The following CPE variants were observed in gnomAD, a reference collection of about 807,000 sequenced individuals.
CPE encodes carbocypeptidase E.
Under a neutral mutation model 53.5 loss-of-function variants are expected in CPE, and 17 were observed. The ratio of observed to expected loss-of-function variants is 0.32; its 90% confidence interval spans 0.22 to 0.48. The LOEUF (loss-of-function observed/expected upper bound fraction) is 0.48, where lower values mean the gene tolerates loss of function less well. Ranked by LOEUF, CPE falls within the 20% of genes least tolerant of loss-of-function variation. The pLI is 0.99. For missense variants in CPE, 524 were observed against 614.7 expected (o/e 0.85, Z 1.56); for synonymous variants, 226 against 228.8 (o/e 0.99, Z 0.11).
intron 1 of CPE, among the ~76,000 whole-genome samples, chr4:165,451,486 A>G (rs1343209425): frequency 6.6e-6 from 1 of 151,514 alleles, no homozygotes; most frequent in Non-Finnish European, 1.5e-5. Context: ...ATTATTATTT[A>G]TTTATTTATT....
rs116606380 is a variant in CPE at position 165,429,357 on chromosome 4, A to G, written c.308-35033A>G. On this transcript the variant is annotated intron_variant, in intron 1 of 8. Coordinates refer to ENST00000402744, the MANE Select transcript of CPE (RefSeq NM_001873.4). ...TTAATAATTTTGGAAATCCAAGTTT[A>G]TACAAAAACATTCCCACTTATTGGA... Among the ~76,000 whole-genome samples the G allele has an allele frequency of 3.2e-3, 495 of 152,316 alleles. 3 individuals are homozygous for G. The highest frequency in any genetic ancestry group is 0.012 in the African/African-American group (479 of 41,574).
Position 165,497,801 on chromosome 4 carries a change from C to T in CPE, c.*191C>T, listed in dbSNP as rs971241898. On this transcript the variant is annotated 3_prime_UTR_variant, in exon 9 of 9. Coordinates refer to ENST00000402744, the MANE Select transcript of CPE (RefSeq NM_001873.4). ...ATAAGAACTTGATATATTTCATTCT[C>T]TTATATAGTATTCATTTTCCTACCT... 9.4e-6 allele frequency: 3 copies of T among 320,804 alleles called. No homozygotes were observed. Among genetic ancestry groups the T allele is most frequent in the Non-Finnish European group, 1.7e-5 (3 of 179,654 alleles). 19.9% of individuals were successfully genotyped at this position (320,804 alleles called of 1,614,324 possible).
intron 8 of CPE, among the ~76,000 whole-genome samples, chr4:165,496,046 T>C (rs1206783701): frequency 6.6e-6 from 1 of 152,208 alleles, no homozygotes; most frequent in Non-Finnish European, 1.5e-5. Flanking sequence ...TAAGAAAATT[T>C]TAGGTGGTAA....
chr4:165,439,515 T>A (rs1731571882), intron 1 of CPE, among the ~76,000 whole-genome samples: 1 of 151,748 alleles, frequency 6.6e-6, no homozygotes, highest in South Asian at 2.1e-4. Context: ...TGCCAATTTC[T>A]CCACATAAAA....
intron 7 of CPE, among the ~76,000 whole-genome samples, chr4:165,494,092 C>A (rs980865729): frequency 3.3e-5 from 5 of 152,112 alleles, no homozygotes; most frequent in Non-Finnish European, 7.3e-5. Flanking sequence ...AAAAAAAAAT[C>A]TTTAACATTT....
chr4:165,386,462 C>G (rs1464891077), intron 1 of CPE: 1 of 364,184 alleles, frequency 2.7e-6, no homozygotes, highest in Non-Finnish European at 5.2e-6. Flanking sequence ...CCATGTTGGT[C>G]GATGTTGACA....
At chr4:165,404,565 G>A in intron 1 of CPE, 2 of 959,720 alleles carry the variant, frequency 2.1e-6, no homozygotes, top group Admixed American at 1.7e-5. Flanking sequence ...TTGGCCACAT[G>A]TTTCGCTACA....
intron 1 of CPE, among the ~76,000 whole-genome samples, chr4:165,410,680 T>G (rs1052158068): frequency 6.6e-6 from 1 of 152,244 alleles, no homozygotes; most frequent in African/African-American, 2.4e-5. Context: ...GAAGGTAGAA[T>G]AATGTATTAG....
At chr4:165,461,188 G>GAAAGAA (rs1553976643) in intron 1 of CPE, among the ~76,000 whole-genome samples, 1 of 81,210 alleles carries the variant, frequency 1.2e-5, no homozygotes, top group Non-Finnish European at 2.3e-5. Context: ...AAAAAAAAAA[G>GAAAGAA]AAAGAAAGAA....
chr4:165,380,572 C>G (rs1312721548), intron 1 of CPE, among the ~76,000 whole-genome samples: 2 of 152,072 alleles, frequency 1.3e-5, no homozygotes, highest in Non-Finnish European at 1.5e-5. Flanking sequence ...GGGATGGATG[C>G]TTAATTTTTG....
At chr4:165,384,230 CAAAGAT>C (rs1730550018) in intron 1 of CPE, among the ~76,000 whole-genome samples, 1 of 152,080 alleles carries the variant, frequency 6.6e-6, no homozygotes, top group African/African-American at 2.4e-5. Flanking sequence ...ATTATGTAAA[CAAAGAT>C]AAACAGGTTT....
chr4:165,401,695 G>A (rs1414716489), intron 1 of CPE, among the ~76,000 whole-genome samples: 5 of 152,202 alleles, frequency 3.3e-5, no homozygotes, highest in Non-Finnish European at 2.9e-5. Context: ...CTGAGTGGAG[G>A]AGGGTTTATG....
At chr4:165,388,102 T>C (rs1481072172) in intron 1 of CPE, among the ~76,000 whole-genome samples, 1 of 152,342 alleles carries the variant, frequency 6.6e-6, no homozygotes, top group South Asian at 2.1e-4. Context: ...TCATAAAATC[T>C]TTCCTTCACT....
At chr4:165,424,659 G>A (rs113514042) in intron 1 of CPE, among the ~76,000 whole-genome samples, 44,539 of 151,190 alleles carry the variant, frequency 0.29, 6,606 homozygotes, top group Middle Eastern at 0.39. Context: ...TCAGCCTCCC[G>A]AGTACCTGGG....
chr4:165,406,767 C>T (rs1321389141), intron 1 of CPE, among the ~76,000 whole-genome samples: 2 of 152,216 alleles, frequency 1.3e-5, no homozygotes, highest in Admixed American at 6.5e-5. Flanking sequence ...CAATTCCTCC[C>T]AATCCTGCTC....
intron 1 of CPE, among the ~76,000 whole-genome samples, chr4:165,443,929 CAT>C (rs756843809): frequency 6.6e-6 from 1 of 152,168 alleles, no homozygotes; most frequent in Non-Finnish European, 1.5e-5. Context: ...TTTTCCATCA[CAT>C]GAGGACACAG....
chr4:165,416,315 G>T (rs1489065863), intron 1 of CPE, among the ~76,000 whole-genome samples: 1 of 152,180 alleles, frequency 6.6e-6, no homozygotes, highest in Non-Finnish European at 1.5e-5. Flanking sequence ...CTGCCCCTCT[G>T]GGGGCTCTGG....
At chr4:165,402,259 AGATCTTT>A (rs1730880913) in intron 1 of CPE, among the ~76,000 whole-genome samples, 3 of 152,216 alleles carry the variant, frequency 2.0e-5, no homozygotes, top group Admixed American at 2.0e-4. Context: ...TTACCTCTTC[AGATCTTT>A]GAAAGAATTT....
rs1182643608 is a variant in CPE at position 165,495,626 on chromosome 4, C to G, written c.1281C>G (p.Gly427=). The G allele has an allele frequency of 1.9e-6, 3 of 1,613,858 alleles. No individual in the cohort carries two copies. Among genetic ancestry groups the G allele is most frequent in the Non-Finnish European group, 2.5e-6 (3 of 1,179,948 alleles). The change falls in exon 8 of 9, where the codon GGC becomes GGG. Residue 427 remains glycine, a synonymous_variant. Transcript: ENST00000402744. The part of the protein sequence containing the change: ...GNYKLTASAP[G]YLAITKKVAV... ...ATAAACTTACAGCCTCAGCTCCAGG[C>G]TATCTGGCAATAACAAAGAAAGTGG...
Sources: allele counts gnomAD v4.1 joint callset (sites outside exome capture counted in the v4.1 genomes callset), GRCh38; gene constraint gnomAD v4.1.1; transcripts MANE v1.5; gene names NCBI Gene and HGNC (gene_info 2026-07-23, HGNC 2026-07-21).